Variants in ASB15 observed in about 807,000 individuals in gnomAD.
The protein encoded by ASB15 is ankyrin repeat and SOCS box containing 15.
A neutral mutation model predicts 58.0 loss-of-function variants in ASB15; 54 were observed. That is an observed-to-expected ratio of 0.93 (90% CI 0.75 to 1.17). ASB15 has a LOEUF of 1.17. ASB15 is among the 50% of genes most tolerant of loss of function. The probability of loss-of-function intolerance (pLI) is 0.00; values close to 1 mark genes in which losing one functional copy is unlikely to be tolerated. For missense variants in ASB15, 680 were observed against 707.4 expected, an observed-to-expected ratio of 0.96 and a Z score of 0.44; for synonymous variants, 249 against 262.4, an observed-to-expected ratio of 0.95 and a Z score of 0.50.
intron 11 of ASB15, 47 bp from the exon 12 acceptor site, chr7:123,636,762 T>C (rs1373432338): frequency 1.1e-5 from 16 of 1,489,592 alleles, no homozygotes; most frequent in Non-Finnish European, 1.4e-5. Context: ...TAGGGGCCAA[T>C]CCACTATTTA....
intron 1 of ASB15, among the ~76,000 whole-genome samples, chr7:123,603,009 C>A (rs574991347): frequency 3.3e-5 from 5 of 152,156 alleles, no homozygotes; most frequent in Non-Finnish European, 7.3e-5. Context: ...AAGTGACATC[C>A]ATTTAATGCA....
chr7:123,614,327 A>G (rs1800656132), intron 3 of ASB15, 174 bp from the exon 4 acceptor site: 1 of 537,254 alleles, frequency 1.9e-6, no homozygotes, highest in Non-Finnish European at 3.2e-6. Context: ...TTAAGTTAAT[A>G]AAATGGACCT....
At position 123,630,110 on chromosome 7, in the gene ASB15, C is replaced by A; in HGVS notation, c.1585C>A (p.Gln529Lys). 6.3e-7 allele frequency: 1 copy of A among 1,584,836 alleles called. No homozygotes were observed. Among genetic ancestry groups the A allele is most frequent in the Non-Finnish European group, 8.6e-7 (1 of 1,163,754 alleles). The change falls in exon 11 of 12, where the codon CAA becomes AAA. Residue 529 changes from glutamine to lysine, a missense_variant. By Grantham distance (53) the Gln-to-Lys change is moderately conservative (BLOSUM62 1). Transcript: ENST00000451215. ...ACAGAGAGAATGGCCAGAAATCCGC[C>A]AAATACTAGGTAAAAACCAAAAGTT... ...EVQREWPEIRQILENPCSLKH... is the reference protein window; with the variant it reads ...EVQREWPEIRKILENPCSLKH...
chr7:123,628,089 G>A (rs1801907930), intron 9 of ASB15, among the ~76,000 whole-genome samples: 1 of 152,194 alleles, frequency 6.6e-6, no homozygotes, highest in African/African-American at 2.4e-5. Context: ...TGTCTGGCTG[G>A]TTAGTCAAGT....
chr7:123,628,141 CTG>C (rs1485044696), intron 9 of ASB15, among the ~76,000 whole-genome samples: 1 of 152,210 alleles, frequency 6.6e-6, no homozygotes, highest in Non-Finnish European at 1.5e-5. Context: ...GAAACATAAA[CTG>C]TGGCTGGTTA....
At chr7:123,597,924 G>GTGTGTA (rs199733547), upstream of ASB15, among the ~76,000 whole-genome samples, 2,728 of 146,802 alleles carry the variant, frequency 0.019, 35 homozygotes, top group Non-Finnish European at 0.02. Context: ...CTTCGTGTGT[G>GTGTGTA]TGTGTGTGTG....
intron 1 of ASB15, among the ~76,000 whole-genome samples, chr7:123,577,776 A>C (rs1439852407): frequency 6.6e-6 from 1 of 152,114 alleles, no homozygotes; most frequent in East Asian, 1.9e-4. Flanking sequence ...ATGTTTCTTC[A>C]TCTTATCCCC....
intron 1 of ASB15, among the ~76,000 whole-genome samples, chr7:123,567,798 T>C (rs183112043): frequency 3.7e-4 from 56 of 152,008 alleles, no homozygotes; most frequent in Non-Finnish European, 1.2e-4. Context: ...AACTATTATT[T>C]CCTCTCTCAA....
At chr7:123,586,459 T>C (rs927353501) in intron 1 of ASB15, among the ~76,000 whole-genome samples, 1 of 151,868 alleles carries the variant, frequency 6.6e-6, no homozygotes, top group African/African-American at 2.4e-5. Flanking sequence ...TATACATTCC[T>C]TATATATTTT....
Position 123,627,235 on chromosome 7 carries a change from G to A in ASB15, c.823G>A (p.Ala275Thr), listed in dbSNP as rs751372701. 3 of 1,613,932 alleles carry A rather than the reference G, an allele frequency of 1.9e-6. No individual in the cohort carries two copies. Among genetic ancestry groups the A allele is most frequent in the Admixed American group, 1.7e-5 (1 of 60,016 alleles). ...YGGSGNVPNR[A>T]GHLPIHRAAY... is the part of the protein sequence containing the mutation. ...AGGAAGCGGAAATGTACCTAACCGA[G>A]CAGGACATCTTCCTATACACCGAGC... is the stretch of plus-strand genomic sequence containing the variant. The change falls in exon 9 of 12, where the codon GCA (alanine) becomes ACA (threonine). Residue 275 changes from alanine (A) to threonine (T), a missense_variant. Physicochemically the swap from Ala to Thr is moderately conservative, Grantham distance 58. Coordinates refer to ENST00000451215, the MANE Select transcript of ASB15 (RefSeq NM_001290258.2).
intron 7 of ASB15, among the ~76,000 whole-genome samples, chr7:123,619,294 T>C (rs577759070): frequency 1.3e-5 from 2 of 151,498 alleles, no homozygotes; most frequent in African/African-American, 4.9e-5. Flanking sequence ...AGGAGGAGAA[T>C]TAGATGTGAT....
chr7:123,616,600 T>C (rs1800835450), intron 6 of ASB15, 105 bp downstream of exon 6: 4 of 1,262,352 alleles, frequency 3.2e-6, no homozygotes, highest in Admixed American at 2.9e-5. Flanking sequence ...AAAAGGCAGA[T>C]TAAAATATTA....
chr7:123,624,483 C>T, intron 7 of ASB15, 86 bp from the exon 8 acceptor site: 1 of 1,299,814 alleles, frequency 7.7e-7, no homozygotes, highest in Non-Finnish European at 1.1e-6. Flanking sequence ...GTATCTATTT[C>T]AATATTAAAT....
intron 2 of ASB15, among the ~76,000 whole-genome samples, chr7:123,605,370 A>G (rs2116438145): frequency 6.6e-6 from 1 of 152,344 alleles, no homozygotes. Context: ...TATGGAGAAA[A>G]GGGAATGCTT....
chr7:123,577,797 G>C (rs1273284095), intron 1 of ASB15, among the ~76,000 whole-genome samples: 1 of 152,096 alleles, frequency 6.6e-6, no homozygotes, highest in Non-Finnish European at 1.5e-5. Flanking sequence ...AGGGTTGCAA[G>C]GACAGTTTCT....
At chr7:123,578,930 C>A (rs902096244) in intron 1 of ASB15, among the ~76,000 whole-genome samples, 2 of 151,838 alleles carry the variant, frequency 1.3e-5, no homozygotes, top group African/African-American at 2.4e-5. Context: ...ATTTTAGATT[C>A]GGGTGGTACA....
intron 3 of ASB15, among the ~76,000 whole-genome samples, chr7:123,612,013 C>T (rs1800493592): frequency 6.6e-6 from 1 of 151,994 alleles, no homozygotes; most frequent in African/African-American, 2.4e-5. Context: ...CAGACCAGCT[C>T]AGTTCTTTAT....
intron 1 of ASB15, among the ~76,000 whole-genome samples, chr7:123,570,528 G>A: frequency 6.6e-6 from 1 of 152,012 alleles, no homozygotes; most frequent in Non-Finnish European, 1.5e-5. Context: ...GCATGAGCAA[G>A]GAAAGCCAAA....
rs1274299357 is a variant in ASB15 at position 123,617,514 on chromosome 7, T to C, written c.293-65T>C. 2.4e-5 allele frequency: 34 copies of C among 1,401,852 alleles called. No homozygotes were observed. The East Asian group carries it at 7.8e-4, about 32-fold the overall frequency. 86.8% of individuals were successfully genotyped at this position (1,401,852 alleles called of 1,614,324 possible). A position where few individuals can be genotyped will look rare whatever the true frequency, so the allele number is the denominator to read the frequency against. On this transcript the variant is annotated intron_variant, in intron 6 of 11. Coordinates refer to ENST00000451215, the MANE Select transcript of ASB15 (RefSeq NM_001290258.2). ...CGATGTATATAATATTGGATTGCTCTGATTTGTGTAATATCCTATAAGTGA... is the reference window on the plus strand; with the variant it reads ...CGATGTATATAATATTGGATTGCTCCGATTTGTGTAATATCCTATAAGTGA...
Sources: allele counts gnomAD v4.1 joint callset (sites outside exome capture counted in the v4.1 genomes callset), GRCh38; gene constraint gnomAD v4.1.1; transcripts MANE v1.5; gene names NCBI Gene and HGNC (gene_info 2026-07-23, HGNC 2026-07-21).